HDDC2: variants seen among roughly 807,000 people sequenced by gnomAD.
HDDC2 encodes 5'-deoxynucleotidase HDDC2.
A neutral mutation model predicts 25.5 loss-of-function variants in HDDC2; 25 were observed. The ratio of observed to expected loss-of-function variants is 0.98; its 90% CI spans 0.72 to 1.37. The LOEUF is 1.37. Ranked by LOEUF, HDDC2 falls within the 40% of genes most tolerant of loss-of-function variation. The pLI is 0.00. For missense variants in HDDC2, 264 were observed against 253.1 expected (o/e 1.04, Z -0.29); for synonymous variants, 106 against 89.7 (o/e 1.18, Z -1.03).
chr6:125,297,300 GC>G (rs1798718933), intron 3 of HDDC2, among the ~76,000 whole-genome samples: 1 of 152,180 alleles, frequency 6.6e-6, no homozygotes, highest in African/African-American at 2.4e-5. Flanking sequence ...TCATGGCAGT[GC>G]AGATTCATAT....
Position 125,276,095 on chromosome 6 carries a change from G to C in HDDC2, c.*51C>G. 7.6e-7 allele frequency: 1 copy of C among 1,308,660 alleles called. No individual in the cohort carries two copies. Among genetic ancestry groups the C allele is most frequent in the Non-Finnish European group, 1.1e-6 (1 of 906,874 alleles). 81.1% of individuals were successfully genotyped at this position (1,308,660 alleles called of 1,614,324 possible). ...CAACAATGGCAAAACACAATACAAT[G>C]AAATGGAAAAATAATGTTTGTTACA... On this transcript the variant is annotated 3_prime_UTR_variant, in exon 6 of 6. Coordinates refer to ENST00000398153, the MANE Select transcript of HDDC2 (RefSeq NM_016063.3).
intron 2 of HDDC2, chr6:125,300,274 C>T (rs1026728589): frequency 3.1e-5 from 13 of 413,262 alleles, no homozygotes; most frequent in African/African-American, 2.6e-4. Context: ...ATAACACACT[C>T]ACCTTCAAGG....
chr6:125,282,316 A>G (rs753590320), intron 4 of HDDC2, among the ~76,000 whole-genome samples: 1 of 151,620 alleles, frequency 6.6e-6, no homozygotes, highest in Non-Finnish European at 1.5e-5. Context: ...ATTGCACTCC[A>G]GCCCAGGCCA....
At chr6:125,300,925 A>G (rs1798790816) in intron 1 of HDDC2, among the ~76,000 whole-genome samples, 1 of 152,208 alleles carries the variant, frequency 6.6e-6, no homozygotes, top group Admixed American at 6.5e-5. Context: ...ATGTATAATT[A>G]TGGAACATAT....
intron 3 of HDDC2, among the ~76,000 whole-genome samples, chr6:125,293,562 T>G (rs1798661738): frequency 6.6e-6 from 1 of 152,166 alleles, no homozygotes; most frequent in African/African-American, 2.4e-5. Flanking sequence ...AGTTCTATCC[T>G]CTTTCCAAAA....
intron 4 of HDDC2, among the ~76,000 whole-genome samples, chr6:125,283,692 A>G (rs1323323868): frequency 6.6e-6 from 1 of 152,252 alleles, no homozygotes; most frequent in African/African-American, 2.4e-5. Flanking sequence ...AAAACATTCC[A>G]TGCTCATAGA....
intron 5 of HDDC2, chr6:125,276,466 C>A: frequency 1.9e-6 from 1 of 538,134 alleles, no homozygotes; most frequent in Non-Finnish European, 3.3e-6. Context: ...AAGGATGAGA[C>A]TCAGGCAAGG....
chr6:125,301,490 A>ACGCGCGCACG (rs369025469), intron 1 of HDDC2, among the ~76,000 whole-genome samples: 1 of 131,098 alleles, frequency 7.6e-6, no homozygotes, highest in African/African-American at 3.5e-5. Context: ...GAGCACACAC[A>ACGCGCGCACG]CACACACACA....
Position 125,300,561 on chromosome 6 carries a change from T to C in HDDC2, c.183A>G (p.Lys61=), listed in dbSNP as rs1313240819. ...ACCGGTCTTTGTTAAGACGGTCATC[T>C]TTGATCACCATAGCCATAACTGCCA... ...YRMAVMAMVI[K]DDRLNKDRCV... The change falls in exon 2 of 6, where the codon AAA becomes AAG. Residue 61 remains lysine (K), a synonymous_variant. Transcript: ENST00000398153. The C allele has an allele frequency of 6.2e-7, 1 of 1,614,148 alleles. No individual in the cohort carries two copies. Among genetic ancestry groups the C allele is most frequent in the East Asian group, 2.2e-5 (1 of 44,890 alleles).
At chr6:125,301,489 C>CACGCGCACAA (rs1798804642) in intron 1 of HDDC2, among the ~76,000 whole-genome samples, 1 of 147,194 alleles carries the variant, frequency 6.8e-6, no homozygotes, top group Non-Finnish European at 1.5e-5. Flanking sequence ...TGAGCACACA[C>CACGCGCACAA]ACACACACAC....
chr6:125,295,506 A>G (rs2115115841), intron 3 of HDDC2, among the ~76,000 whole-genome samples: 1 of 152,288 alleles, frequency 6.6e-6, no homozygotes, highest in East Asian at 1.9e-4. Context: ...TCATCTACAC[A>G]GTGGGGTTAA....
At chr6:125,287,851 G>A (rs1400958981) in intron 4 of HDDC2, among the ~76,000 whole-genome samples, 3 of 152,354 alleles carry the variant, frequency 2.0e-5, no homozygotes, top group East Asian at 1.9e-4. Context: ...TTCAGCAGGA[G>A]AGTGGCAACA....
intron 5 of HDDC2, 116 bp downstream of exon 5, chr6:125,276,986 C>A: frequency 1.0e-6 from 1 of 979,722 alleles, no homozygotes; most frequent in Non-Finnish European, 1.5e-6. Context: ...TTTAGATGCT[C>A]CACATGAAAG....
At chr6:125,293,606 G>T (rs1016732802) in intron 3 of HDDC2, among the ~76,000 whole-genome samples, 1 of 152,168 alleles carries the variant, frequency 6.6e-6, no homozygotes, top group Non-Finnish European at 1.5e-5. Context: ...AGTACCTCAA[G>T]AGGCTGCCTT....
chr6:125,301,728 C>T, intron 1 of HDDC2, 121 bp downstream of exon 1: 5 of 677,836 alleles, frequency 7.4e-6, no homozygotes, highest in Non-Finnish European at 9.4e-6. Context: ...TTCCGGAATT[C>T]GGCGTGGCGG....
chr6:125,301,754 G>A (rs1050696222), intron 1 of HDDC2, 95 bp downstream of exon 1: 8 of 902,490 alleles, frequency 8.9e-6, no homozygotes, highest in Non-Finnish European at 8.2e-6. Flanking sequence ...GCGCAGGAAG[G>A]GCAAAGACCG....
chr6:125,284,816 A>G (rs936750625), intron 4 of HDDC2, among the ~76,000 whole-genome samples: 1 of 152,220 alleles, frequency 6.6e-6, no homozygotes, highest in African/African-American at 2.4e-5. Flanking sequence ...ATTACCGGGT[A>G]TACACCCAAA....
intron 4 of HDDC2, chr6:125,279,555 G>A (rs889525979): frequency 6.6e-6 from 1 of 152,138 alleles, no homozygotes; most frequent in Admixed American, 6.5e-5. Flanking sequence ...AATATAGTAT[G>A]TGAGGTAATG....
rs377730880 is a variant in HDDC2 at position 125,277,293 on chromosome 6, C to T, written c.379-53G>A. Reference sequence around the variant, plus strand: ...TGATTAGCGCTGCATAATAGGGTATCCTGGGAAAATTCTGACTCTGGTACC... The same window carrying T: ...TGATTAGCGCTGCATAATAGGGTATTCTGGGAAAATTCTGACTCTGGTACC... On this transcript the variant is annotated intron_variant, in intron 4 of 5. Transcript: ENST00000398153. The T allele has an allele frequency of 8.2e-5, 130 of 1,576,752 alleles. No individual in the cohort carries two copies. The South Asian group carries it at 1.2e-3, about 15-fold the overall frequency.
Sources: gnomAD v4.1 joint callset for allele counts (sites outside exome capture counted in the v4.1 genomes callset) on GRCh38, gnomAD v4.1.1 for gene constraint, MANE v1.5 for transcripts, NCBI Gene and HGNC (gene_info 2026-07-23, HGNC 2026-07-21) for gene names.